EYA1: variants seen among roughly 807,000 people sequenced by gnomAD.
EYA1 encodes the protein EYA transcriptional coactivator and phosphatase 1.
In EYA1, 16 loss-of-function variants were observed where a neutral mutation model predicts 82.0. That is an observed-to-expected ratio of 0.20 (90% confidence interval 0.13 to 0.30). The LOEUF is 0.30. EYA1 is among the 10% of genes least tolerant of loss of function. The probability of loss-of-function intolerance (pLI) is 1.00; values close to 1 mark genes in which losing one functional copy is unlikely to be tolerated. For synonymous variants in EYA1, 261 were observed against 264.4 expected, an observed-to-expected ratio of 0.99 and a Z score of 0.12; for missense variants, 633 against 730.7, an observed-to-expected ratio of 0.87 and a Z score of 1.54.
chr8:71,339,573 C>CTATT (rs955197088), intron 3 of EYA1, among the ~76,000 whole-genome samples: 3 of 152,106 alleles, frequency 2.0e-5, no homozygotes, highest in Non-Finnish European at 4.4e-5. Flanking sequence ...TCCACACCAA[C>CTATT]TATTTCCCTT....
intron 1 of EYA1, among the ~76,000 whole-genome samples, chr8:71,538,640 A>G (rs1814905831): frequency 6.6e-6 from 1 of 152,216 alleles, no homozygotes; most frequent in Non-Finnish European, 1.5e-5. Flanking sequence ...ACAGACCTAC[A>G]TATAAACATA....
chr8:71,324,589 A>T (rs73292172), intron 4 of EYA1, among the ~76,000 whole-genome samples: 74 of 152,284 alleles, frequency 4.9e-4, no homozygotes, highest in African/African-American at 1.7e-3. Context: ...CTGCATCACC[A>T]TCTGTCCCAC....
intron 7 of EYA1, among the ~76,000 whole-genome samples, chr8:71,316,906 T>C (rs1201719467): frequency 6.6e-6 from 1 of 152,208 alleles, no homozygotes; most frequent in African/African-American, 2.4e-5. Flanking sequence ...CTATGTATTC[T>C]TGAGACCAGC....
At chr8:71,522,702 T>C (rs1586880747) in intron 2 of EYA1, among the ~76,000 whole-genome samples, 1 of 151,566 alleles carries the variant, frequency 6.6e-6, no homozygotes, top group African/African-American at 2.4e-5. Flanking sequence ...TACTGCAGCC[T>C]TGACCTCCAG....
At chr8:71,547,671 C>G (rs1263194607) in intron 1 of EYA1, 1 of 151,662 alleles carries the variant, frequency 6.6e-6, no homozygotes, top group Admixed American at 6.6e-5. Context: ...GCCGCGGGCT[C>G]TCGGCCGCCG....
At chr8:71,379,120 T>C (rs1828545306) in intron 2 of EYA1, among the ~76,000 whole-genome samples, 1 of 151,816 alleles carries the variant, frequency 6.6e-6, no homozygotes, top group African/African-American at 2.4e-5. Flanking sequence ...CCTGACAAAC[T>C]AAGTGGAGGC....
chr8:71,217,513 C>A (rs1809361424), intron 12 of EYA1, among the ~76,000 whole-genome samples: 6 of 152,154 alleles, frequency 3.9e-5, no homozygotes, highest in Admixed American at 3.3e-4. Flanking sequence ...GGAGCCCAGA[C>A]AAAAAATCTG....
At position 71,361,998 on chromosome 8, in the gene EYA1, C is replaced by A; in HGVS notation, c.-406G>T. On this transcript the variant is annotated 5_prime_UTR_variant, in exon 1 of 18. Transcript: ENST00000340726. The stretch of plus-strand genomic sequence containing the variant: ...CAAACTCGGAGCCATCAGCTCCCAC[C>A]GTTCTGTTTGGTAACAGCTTTGCGC... 5.1e-6 allele frequency: 5 copies of A among 985,440 alleles called. No individual in the cohort carries two copies. Among genetic ancestry groups the A allele is most frequent in the Non-Finnish European group, 4.8e-6 (4 of 829,952 alleles). 61.0% of individuals were successfully genotyped at this position (985,440 alleles called of 1,614,324 possible).
intron 12 of EYA1, among the ~76,000 whole-genome samples, chr8:71,239,091 C>A (rs1022672883): frequency 6.6e-6 from 1 of 151,894 alleles, no homozygotes; most frequent in Non-Finnish European, 1.5e-5. Flanking sequence ...AGATGACAAT[C>A]TTATAAGAAA....
intron 2 of EYA1, among the ~76,000 whole-genome samples, chr8:71,521,130 C>G (rs575016302): frequency 6.6e-6 from 1 of 151,484 alleles, no homozygotes; most frequent in South Asian, 2.1e-4. Flanking sequence ...AGAATTGAAT[C>G]AAAGAGAATA....
At chr8:71,529,718 T>C (rs921903103) in intron 2 of EYA1, 1 of 124,064 alleles carries the variant, frequency 8.1e-6, no homozygotes, top group Non-Finnish European at 1.6e-5. Context: ...GACCCAGTAA[T>C]GTATAAACCA....
Position 71,321,852 on chromosome 8 carries a change from G to A in EYA1, c.300C>T (p.Thr100=), listed in dbSNP as rs1378359746. The A allele has an allele frequency of 3.7e-6, 6 of 1,614,220 alleles. No homozygotes were observed. The highest frequency in any genetic ancestry group is 4.2e-6 in the Non-Finnish European group (5 of 1,180,050). The change falls in exon 6 of 18, where the codon ACC becomes ACT. Residue 100 remains threonine (T), a synonymous_variant. Coordinates refer to ENST00000340726, the MANE Select transcript of EYA1 (RefSeq NM_000503.6). ...ATGCAGCCATAGTTTGTGAGGAAGG[G>A]GTAGGGAGAATATGTGGGTATGGTC... The part of the protein sequence containing the change: ...SNRPYPHILP[T]PSSQTMAAYG...
intron 3 of EYA1, among the ~76,000 whole-genome samples, chr8:71,338,135 A>G (rs1900077): frequency 0.22 from 32,821 of 152,082 alleles, 4,771 homozygotes; most frequent in East Asian, 0.71. Flanking sequence ...ATTAAAGTTA[A>G]GCTTCCCCTT....
intron 2 of EYA1, among the ~76,000 whole-genome samples, chr8:71,492,209 C>A (rs972098596): frequency 2.0e-5 from 3 of 152,194 alleles, no homozygotes; most frequent in Non-Finnish European, 2.9e-5. Context: ...TGGCACAGGA[C>A]AGCAGATTTG....
chr8:71,400,530 GA>G (rs956246643), intron 2 of EYA1, among the ~76,000 whole-genome samples: 1 of 141,464 alleles, frequency 7.1e-6, no homozygotes, highest in Admixed American at 7.0e-5. Flanking sequence ...CAACAGACAT[GA>G]AAAAAGCACA....
At chr8:71,400,294 A>T (rs1424117344) in intron 2 of EYA1, among the ~76,000 whole-genome samples, 2 of 152,358 alleles carry the variant, frequency 1.3e-5, no homozygotes, top group East Asian at 3.9e-4. Context: ...AAATTGACAA[A>T]TGAAATCTAA....
At chr8:71,287,390 T>C (rs995673471) in intron 9 of EYA1, among the ~76,000 whole-genome samples, 6 of 152,190 alleles carry the variant, frequency 3.9e-5, no homozygotes, top group African/African-American at 1.4e-4. Flanking sequence ...TTGCTTTGAC[T>C]TCTCTACCTG....
At chr8:71,242,793 T>TTTTTTA (rs1812639725) in intron 12 of EYA1, among the ~76,000 whole-genome samples, 5 of 131,432 alleles carry the variant, frequency 3.8e-5, no homozygotes, top group African/African-American at 1.4e-4. Context: ...TTTTTTTTTT[T>TTTTTTA]GAGACAGAGT....
chr8:71,375,918 C>A (rs1828345733), intron 2 of EYA1, among the ~76,000 whole-genome samples: 1 of 152,088 alleles, frequency 6.6e-6, no homozygotes. Flanking sequence ...TGTGAGCCAC[C>A]ACACCTGGAC....
Sources: gnomAD v4.1 joint callset for allele counts (sites outside exome capture counted in the v4.1 genomes callset) on GRCh38, gnomAD v4.1.1 for gene constraint, MANE v1.5 for transcripts, NCBI Gene and HGNC (gene_info 2026-07-23, HGNC 2026-07-21) for gene names.